SRI: variants seen among roughly 807,000 people sequenced by gnomAD.
The protein encoded by SRI is sorcin.
Under a neutral mutation model 33.3 loss-of-function variants are expected in SRI, and 30 were observed. That is an observed-to-expected ratio of 0.90 (90% confidence interval 0.67 to 1.22). The LOEUF is 1.22. Among genes scored for constraint, SRI ranks in the 50% most tolerant of loss-of-function variants. The pLI is 0.00. For missense variants in SRI, 243 were observed against 250.8 expected (o/e 0.97, Z 0.21); for synonymous variants, 75 against 89.9 (o/e 0.83, Z 0.94).
intron 6 of SRI, chr7:88,208,859 C>CTA: frequency 2.6e-6 from 1 of 391,920 alleles, no homozygotes; most frequent in Non-Finnish European, 4.7e-6. Context: ...CTTCCATGGC[C>CTA]ATTACTTCAT....
At chr7:88,214,107 T>C (rs976574928) in intron 3 of SRI, among the ~76,000 whole-genome samples, 47 of 152,154 alleles carry the variant, frequency 3.1e-4, no homozygotes, top group African/African-American at 1.1e-3. Flanking sequence ...CCAGAAGGGA[T>C]TGAGAAGTGA....
At chr7:88,216,627 G>A (rs2115788612) in intron 3 of SRI, 1 of 159,560 alleles carries the variant, frequency 6.3e-6, no homozygotes, top group East Asian at 1.9e-4. Context: ...CCTAATGTCA[G>A]TTAATGACCC....
chr7:88,219,751 A>C (rs905879541), intron 1 of SRI, among the ~76,000 whole-genome samples: 11 of 151,974 alleles, frequency 7.2e-5, no homozygotes, highest in African/African-American at 1.7e-4. Flanking sequence ...ATCCACCCTC[A>C]CCTTGGCCCC....
intron 4 of SRI, 56 bp from the exon 5 acceptor site, chr7:88,210,186 T>C: frequency 6.3e-7 from 1 of 1,587,440 alleles, no homozygotes; most frequent in Non-Finnish European, 8.6e-7. Flanking sequence ...AAGGATTAAA[T>C]GAAAGATCAA....
At chr7:88,210,188 A>G in intron 4 of SRI, 58 bp from the exon 5 acceptor site, 1 of 1,581,888 alleles carries the variant, frequency 6.3e-7, no homozygotes, top group Non-Finnish European at 8.7e-7. Context: ...GGATTAAATG[A>G]AAGATCAAGG....
upstream of SRI, among the ~76,000 whole-genome samples, chr7:88,223,932 G>A (rs933872569): frequency 6.6e-6 from 1 of 152,188 alleles, no homozygotes; most frequent in Non-Finnish European, 1.5e-5. Context: ...CTGTAGGAGG[G>A]TTGTGACAAC....
chr7:88,225,494 A>G (rs1851976425), intron 1 of SRI, among the ~76,000 whole-genome samples: 1 of 152,170 alleles, frequency 6.6e-6, no homozygotes, highest in African/African-American at 2.4e-5. Context: ...GGATGAGTTA[A>G]TGCTCTATGG....
intron 3 of SRI, among the ~76,000 whole-genome samples, chr7:88,215,616 G>A (rs1277970102): frequency 6.6e-6 from 1 of 152,192 alleles, no homozygotes; most frequent in African/African-American, 2.4e-5. Flanking sequence ...TTCTTCGTTT[G>A]TATTAATTCC....
intron 3 of SRI, among the ~76,000 whole-genome samples, chr7:88,212,436 C>T (rs1271888155): frequency 6.6e-6 from 1 of 152,214 alleles, no homozygotes; most frequent in Non-Finnish European, 1.5e-5. Context: ...TAGTTCTCCA[C>T]ACTTGTGCTT....
intron 3 of SRI, among the ~76,000 whole-genome samples, chr7:88,212,159 C>T (rs1378559345): frequency 2.0e-5 from 3 of 152,190 alleles, no homozygotes; most frequent in African/African-American, 4.8e-5. Flanking sequence ...AACACAACTG[C>T]GCTCATTACT....
At position 88,218,874 on chromosome 7, in the gene SRI, A is replaced by T; in HGVS notation, c.120T>A (p.Ala40=). ...QTQDPLYGYF[A]AVAGQDGQID... ...AAAAGCTAACCTGTCCAGCTACAGC[A>T]GCAAAGTAACCATACAGCGGATCCT... The change falls in exon 2 of 8, where the codon GCT becomes GCA. Residue 40 remains alanine (A), a synonymous_variant. Coordinates refer to ENST00000265729, the MANE Select transcript of SRI (RefSeq NM_003130.4). The T allele has an allele frequency of 6.2e-7, 1 of 1,614,158 alleles. No individual in the cohort carries two copies. Among genetic ancestry groups the T allele is most frequent in the Non-Finnish European group, 8.5e-7 (1 of 1,180,004 alleles).
upstream of SRI, among the ~76,000 whole-genome samples, chr7:88,224,122 G>C (rs190308923): frequency 6.6e-6 from 1 of 152,322 alleles, no homozygotes; most frequent in East Asian, 1.9e-4. Context: ...TTGAAGAGCA[G>C]ACCTAGCCAG....
upstream of SRI, among the ~76,000 whole-genome samples, chr7:88,220,911 T>C (rs1243498523): frequency 3.9e-5 from 6 of 152,234 alleles, no homozygotes; most frequent in Non-Finnish European, 8.8e-5. Context: ...AGGTTATTCT[T>C]CTTTACTTCA....
upstream of SRI, among the ~76,000 whole-genome samples, chr7:88,222,012 A>G (rs1241489259): frequency 2.2e-4 from 32 of 145,458 alleles, no homozygotes; most frequent in Admixed American, 1.8e-3. Context: ...TACAAAGGAC[A>G]TGAACTCATC....
In SRI at chr7:88,218,864, C is replaced by G; in HGVS notation, c.130G>C (p.Gly44Arg). Residue 44 changes from glycine to arginine, a missense_variant, in exon 2 of 8, where the codon GGA (glycine) becomes CGA (arginine). Transcript: ENST00000265729. ...TATTAAAGGGAAAAGCTAACCTGTCCAGCTACAGCAGCAAAGTAACCATAC... is the reference window on the plus strand; with the variant it reads ...TATTAAAGGGAAAAGCTAACCTGTCGAGCTACAGCAGCAAAGTAACCATAC... ...PLYGYFAAVA[G>R]QDGQIDADEL... is the part of the protein sequence containing the mutation. The G allele has an allele frequency of 6.2e-7, 1 of 1,614,044 alleles. No individual in the cohort carries two copies. Among genetic ancestry groups the G allele is most frequent in the African/African-American group, 1.3e-5 (1 of 75,036 alleles).
chr7:88,206,410 G>A lies in SRI; in HGVS notation c.*68C>T. 6.3e-7 allele frequency: 1 copy of A among 1,578,090 alleles called. No homozygotes were observed. The highest frequency in any genetic ancestry group is 1.1e-5 in the South Asian group (1 of 90,358). ...TGTAAGTTTATACATATTACCGAAGGCAAAGAGGACAAGCAAAGGAGAGCT... is the reference window on the plus strand; with the variant it reads ...TGTAAGTTTATACATATTACCGAAGACAAAGAGGACAAGCAAAGGAGAGCT... On this transcript the variant is annotated 3_prime_UTR_variant, in exon 8 of 8. Transcript: ENST00000265729.
chr7:88,206,122 T>G lies in SRI; in HGVS notation c.*356A>C. 3.8e-6 allele frequency: 1 copy of G among 266,602 alleles called. No homozygotes were observed. The allele number at this position is 266,602 out of a possible 1,614,324, so 16.5% of individuals were successfully genotyped here. A position where few individuals can be genotyped will look rare whatever the true frequency, so the allele number is the denominator to read the frequency against. On this transcript the variant is annotated 3_prime_UTR_variant, in exon 8 of 8. Coordinates refer to ENST00000265729, the MANE Select transcript of SRI (RefSeq NM_003130.4). The stretch of plus-strand genomic sequence containing the variant: ...AGTATTCTTTGTAGGAGAGGAAAGA[T>G]AACAGCTGTAGTCTGATTAACAGTT...
intron 1 of SRI, chr7:88,219,540 TTTTGTTTGTTTGTTTG>T (rs373452972): frequency 4.6e-5 from 8 of 174,720 alleles, no homozygotes; most frequent in South Asian, 1.5e-4. Flanking sequence ...CTCACTCGTT[TTTTGTTTGTTTGTTTG>T]TTTGTTTGTT....
upstream of SRI, chr7:88,220,131 GGGCGT>G: frequency 7.4e-7 from 1 of 1,350,352 alleles, no homozygotes; most frequent in Non-Finnish European, 9.4e-7. Flanking sequence ...CGCACCACGC[GGGCGT>G]GGGGGACGCG....
Sources: gnomAD v4.1 joint callset for allele counts (sites outside exome capture counted in the v4.1 genomes callset) on GRCh38, gnomAD v4.1.1 for gene constraint, MANE v1.5 for transcripts, NCBI Gene and HGNC (gene_info 2026-07-23, HGNC 2026-07-21) for gene names.